Variants in CTIF observed in about 807,000 individuals in gnomAD.
CTIF encodes CBP80/20-dependent translation initiation factor.
Under a neutral mutation model 66.0 loss-of-function variants are expected in CTIF, and 21 were observed. The observed-to-expected ratio is 0.32, with a 90% confidence interval of 0.23 to 0.46. The LOEUF is 0.46. Among genes scored for constraint, CTIF ranks in the 20% least tolerant of loss-of-function variants. The probability of loss-of-function intolerance (pLI) is 1.00; values close to 1 mark genes in which losing one functional copy is unlikely to be tolerated. For missense variants in CTIF, 739 were observed against 812.7 expected (o/e 0.91, Z 1.10); for synonymous variants, 345 against 326.4 (o/e 1.06, Z -0.62).
intron 7 of CTIF, among the ~76,000 whole-genome samples, chr18:48,733,327 C>T (rs931194179): frequency 3.3e-5 from 5 of 152,160 alleles, no homozygotes; most frequent in African/African-American, 1.2e-4. Flanking sequence ...TGCTGGGCCC[C>T]TGCCTGTCTC....
intron 9 of CTIF, among the ~76,000 whole-genome samples, chr18:48,771,860 C>G (rs537645346): frequency 6.6e-6 from 1 of 152,370 alleles, no homozygotes; most frequent in South Asian, 2.1e-4. Flanking sequence ...GGCTCCAGAT[C>G]GCAGCATCTC....
At chr18:48,542,000 G>A (rs2088633168) in intron 1 of CTIF, among the ~76,000 whole-genome samples, 1 of 152,120 alleles carries the variant, frequency 6.6e-6, no homozygotes, top group Admixed American at 6.5e-5. Context: ...CTCAGCTTAT[G>A]GCATTTAATT....
At position 48,667,082 on chromosome 18, in the gene CTIF, G is replaced by GACACACACACACACAC. The variant is rs4044188; in HGVS notation, c.431+2550_431+2565dup. Among the ~76,000 whole-genome samples, 260 of 142,276 alleles carry GACACACACACACACAC rather than the reference G, an allele frequency of 1.8e-3. 2 individuals are homozygous for GACACACACACACACAC. The highest frequency in any genetic ancestry group is 4.7e-3 in the South Asian group (20 of 4,262). The allele number at this position is 142,276 out of a possible 152,430, so 93.3% of individuals were successfully genotyped here. A position where few individuals can be genotyped will look rare whatever the true frequency, so the allele number is the denominator to read the frequency against. The stretch of plus-strand genomic sequence containing the variant: ...CATGGTGCTGGGTACCAGGAAAGTA[G>GACACACACACACACAC]ACACACACACACACACACACACACA... On this transcript the variant is annotated intron_variant, in intron 5 of 11. Coordinates refer to ENST00000256413, the MANE Select transcript of CTIF (RefSeq NM_014772.3).
intron 6 of CTIF, among the ~76,000 whole-genome samples, chr18:48,701,579 G>A (rs1170022718): frequency 1.3e-5 from 2 of 150,130 alleles, no homozygotes; most frequent in South Asian, 4.2e-4. Context: ...GCACTGTGCT[G>A]GCTGCAGAAT....
chr18:48,667,936 C>T (rs2091463484), intron 5 of CTIF, among the ~76,000 whole-genome samples: 1 of 152,236 alleles, frequency 6.6e-6, no homozygotes, highest in Non-Finnish European at 1.5e-5. Context: ...CCACTGCAGC[C>T]TTCCTGGGAT....
At chr18:48,674,967 C>CATTGT (rs1357728120) in intron 6 of CTIF, among the ~76,000 whole-genome samples, 1 of 150,742 alleles carries the variant, frequency 6.6e-6, no homozygotes, top group African/African-American at 2.4e-5. Context: ...CACACCGAGG[C>CATTGT]ATGACATGCC....
chr18:48,665,443 C>T (rs1276873112), intron 5 of CTIF, among the ~76,000 whole-genome samples: 1 of 152,132 alleles, frequency 6.6e-6, no homozygotes, highest in Non-Finnish European at 1.5e-5. Context: ...CAAATGGCTG[C>T]TCCTTCTTTT....
chr18:48,700,109 A>G (rs2092062469), intron 6 of CTIF, among the ~76,000 whole-genome samples: 1 of 152,208 alleles, frequency 6.6e-6, no homozygotes, highest in Non-Finnish European at 1.5e-5. Context: ...GGGCTGGGCC[A>G]GGTGGGGATA....
At chr18:48,548,848 A>G (rs545109091) in intron 1 of CTIF, among the ~76,000 whole-genome samples, 60 of 152,364 alleles carry the variant, frequency 3.9e-4, no homozygotes, top group African/African-American at 1.4e-3. Flanking sequence ...AATTGAGGTA[A>G]GCCTGGCAGG....
At chr18:48,675,595 G>A (rs2091615165) in intron 6 of CTIF, among the ~76,000 whole-genome samples, 1 of 152,240 alleles carries the variant, frequency 6.6e-6, no homozygotes, top group South Asian at 2.1e-4. Context: ...CCTCCCTGCA[G>A]CAAGTGGGAG....
rs545382365 is a variant in CTIF, at chr18:48,605,783, C to T, written c.-28-13755C>T. On this transcript the variant is annotated intron_variant, in intron 1 of 11. Transcript: ENST00000256413. Reference sequence around the variant, plus strand: ...TCTCGGAGGGAGCCCACAGTCCTCCCTTCCGGCTTCTGTTGATTGCCCACT... The same window carrying T: ...TCTCGGAGGGAGCCCACAGTCCTCCTTTCCGGCTTCTGTTGATTGCCCACT... 7.2e-5 allele frequency among the ~76,000 whole-genome samples: 11 copies of T among 152,040 alleles called. No individual in the cohort carries two copies. The East Asian group carries it at 1.9e-3, about 27-fold the overall frequency.
chr18:48,725,556 A>G (rs2092379141), intron 7 of CTIF, among the ~76,000 whole-genome samples: 4 of 151,830 alleles, frequency 2.6e-5, no homozygotes, highest in Admixed American at 6.6e-5. Context: ...AATGAGGAGG[A>G]GCTCCCACCT....
intron 1 of CTIF, among the ~76,000 whole-genome samples, chr18:48,560,043 A>G (rs887966350): frequency 1.3e-5 from 2 of 152,156 alleles, no homozygotes; most frequent in Admixed American, 1.3e-4. Flanking sequence ...TGAATGGCCC[A>G]AGAAACAGGA....
chr18:48,543,768 C>G (rs2088681469), intron 1 of CTIF, among the ~76,000 whole-genome samples: 1 of 152,192 alleles, frequency 6.6e-6, no homozygotes, highest in Non-Finnish European at 1.5e-5. Context: ...AATCTTCTTT[C>G]TATGTACCGT....
chr18:48,806,885 C>T (rs1021196345), intron 9 of CTIF, among the ~76,000 whole-genome samples: 1 of 152,220 alleles, frequency 6.6e-6, no homozygotes, highest in South Asian at 2.1e-4. Context: ...TAGTTTTAGG[C>T]AGGAAACGGG....
At chr18:48,592,163 T>C (rs2089899229) in intron 1 of CTIF, among the ~76,000 whole-genome samples, 1 of 152,078 alleles carries the variant, frequency 6.6e-6, no homozygotes, top group Non-Finnish European at 1.5e-5. Flanking sequence ...ATTGTAAAGC[T>C]CTCTAGCTGC....
chr18:48,551,207 A>C (rs929117136), intron 1 of CTIF, among the ~76,000 whole-genome samples: 1 of 151,592 alleles, frequency 6.6e-6, no homozygotes, highest in African/African-American at 2.4e-5. Context: ...TGCAACGAGA[A>C]GGCAGCCATC....
chr18:48,833,781 T>TG (rs1395031018), intron 10 of CTIF, among the ~76,000 whole-genome samples: 4 of 152,198 alleles, frequency 2.6e-5, no homozygotes, highest in Non-Finnish European at 5.9e-5. Flanking sequence ...GGCCTCTGGA[T>TG]GGGGGGCTTC....
chr18:48,647,141 C>T (rs946226544), intron 3 of CTIF, among the ~76,000 whole-genome samples: 7 of 152,194 alleles, frequency 4.6e-5, no homozygotes, highest in African/African-American at 7.2e-5. Context: ...CCTGATGATG[C>T]AGCAGCCTGG....
Sources: gnomAD v4.1 joint callset for allele counts (sites outside exome capture counted in the v4.1 genomes callset) on GRCh38, gnomAD v4.1.1 for gene constraint, MANE v1.5 for transcripts, NCBI Gene and HGNC (gene_info 2026-07-23, HGNC 2026-07-21) for gene names.